Variants in SRGAP2 observed in about 807,000 individuals in gnomAD.
SRGAP2 encodes SLIT-ROBO Rho GTPase-activating protein 2.
Under a neutral mutation model 57.2 loss-of-function variants are expected in SRGAP2, and 15 were observed. That is an observed-to-expected ratio of 0.26 (90% CI 0.18 to 0.40). The LOEUF is 0.40. SRGAP2 is among the 10% of genes least tolerant of loss of function. The pLI, the probability that SRGAP2 is intolerant of heterozygous loss-of-function variation, is 1.00. For synonymous variants in SRGAP2, 249 were observed against 248.0 expected (o/e 1.00, Z -0.04); for missense variants, 520 against 669.6 (o/e 0.78, Z 2.47).
At chr1:206,376,136 AG>A (rs1372423158) in intron 4 of SRGAP2, among the ~76,000 whole-genome samples, 1 of 151,204 alleles carries the variant, frequency 6.6e-6, no homozygotes, top group Non-Finnish European at 1.5e-5. Context: ...GAGGAATAGA[AG>A]GTAATTGTAT....
In SRGAP2 at chr1:206,428,199, G is replaced by A. The variant is rs543916215; in HGVS notation, c.1495-1963G>A. On this transcript the variant is annotated intron_variant, in intron 13 of 22. Transcript: ENST00000573034. ...TGGGAGGCCGAGACAGGCGGATCAC[G>A]AGGTCAGGAGATCGAGACCGTCCTG... Among the ~76,000 whole-genome samples the A allele has an allele frequency of 1.1e-4, 16 of 152,160 alleles. 1 individual carries two copies. In the East Asian group the frequency reaches 1.5e-3, roughly 15 times the overall value.
intron 10 of SRGAP2, among the ~76,000 whole-genome samples, chr1:206,414,029 C>CTTTTTTTTTTTTTTTTTTTTTTT (rs201058533): frequency 6.9e-6 from 1 of 145,152 alleles, no homozygotes; most frequent in African/African-American, 2.7e-5. Context: ...TTTTCTTTTT[C>CTTTTTTTTTTTTTTTTTTTTTTT]TTTCTTTTTT....
rs112259270 is a variant in SRGAP2, at chr1:206,369,856, CT to C, written c.424-14156del. On this transcript the variant is annotated intron_variant, in intron 4 of 22. Coordinates refer to ENST00000573034, the MANE Select transcript of SRGAP2 (RefSeq NM_015326.5). ...TGGAAAACTGAAAATTCCTCCAAAA[CT>C]TAAGCATAGAATTAACCTGTGACCC... 3.1e-3 allele frequency among the ~76,000 whole-genome samples: 478 copies of C among 152,148 alleles called. 2 individuals carry two copies. The highest frequency in any genetic ancestry group is 0.011 in the African/African-American group (463 of 41,490).
rs1404376182 is a variant in SRGAP2, at chr1:206,210,383, G to A, written c.67+4346G>A. 2.3e-5 allele frequency among the ~76,000 whole-genome samples: 3 copies of A among 131,806 alleles called. No individual in the cohort carries two copies. The South Asian group carries it at 7.9e-4, about 35-fold the overall frequency. The allele number at this position is 131,806 out of a possible 152,430, so 86.5% of individuals were successfully genotyped here. A position where few individuals can be genotyped will look rare whatever the true frequency, so the allele number is the denominator to read the frequency against. ...GCTGAGCAGTCACATTTTCTTTCTC[G>A]AGAACATTAGGGGTCTTGTCTTTTT... On this transcript the variant is annotated intron_variant, in intron 2 of 22. Transcript: ENST00000573034.
rs1553371472 is a variant in SRGAP2, at chr1:206,440,091, C to G, written c.1874+10C>G. On this transcript the variant is annotated intron_variant, in intron 17 of 22. Coordinates refer to ENST00000573034, the MANE Select transcript of SRGAP2 (RefSeq NM_015326.5). ...TTGCCTTCCTCAATCAGTGAGTAGC[C>G]TTCCCAGTGAACAGCTGGATCAGGC... 2.6e-6 allele frequency: 2 copies of G among 780,460 alleles called. No homozygotes were observed. The highest frequency in any genetic ancestry group is 4.8e-6 in the Non-Finnish European group (2 of 417,800). 48.3% of individuals were successfully genotyped at this position (780,460 alleles called of 1,614,324 possible).
chr1:206,303,782 G>A (rs1311114830), intron 3 of SRGAP2, among the ~76,000 whole-genome samples: 2 of 151,716 alleles, frequency 1.3e-5, no homozygotes, highest in Non-Finnish European at 2.9e-5. Flanking sequence ...CCATATGATG[G>A]TTATTGTTAT....
intron 5 of SRGAP2, among the ~76,000 whole-genome samples, chr1:206,385,676 T>A (rs1431826532): frequency 4.7e-5 from 7 of 150,184 alleles, no homozygotes; most frequent in Non-Finnish European, 8.9e-5. Context: ...AAAAAATAAG[T>A]GAAAGGGCGT....
At chr1:206,254,098 CT>C (rs1228877767) in intron 2 of SRGAP2, among the ~76,000 whole-genome samples, 43 of 118,396 alleles carry the variant, frequency 3.6e-4, no homozygotes, top group Non-Finnish European at 2.7e-4. Context: ...AATATTACCC[CT>C]CATATCCTAG....
chr1:206,406,196 GC>G (rs1658638415), intron 9 of SRGAP2, among the ~76,000 whole-genome samples, 180 bp from the exon 10 acceptor site: 1 of 151,426 alleles, frequency 6.6e-6, no homozygotes, highest in African/African-American at 2.4e-5. Context: ...GTAGAGAGTA[GC>G]ATGCTGTAGC....
intron 22 of SRGAP2, among the ~76,000 whole-genome samples, chr1:206,459,409 G>A (rs1255391629): frequency 6.8e-6 from 1 of 148,006 alleles, no homozygotes; most frequent in African/African-American, 2.7e-5. Context: ...GATCAATTAA[G>A]AACCTGCACC....
intron 4 of SRGAP2, among the ~76,000 whole-genome samples, chr1:206,363,667 A>G (rs1197420668): frequency 6.6e-6 from 1 of 151,890 alleles, no homozygotes; most frequent in Non-Finnish European, 1.5e-5. Flanking sequence ...GGTTTTAAAG[A>G]GTTCTGGTCA....
At chr1:206,301,315 G>A (rs1260806889) in intron 2 of SRGAP2, among the ~76,000 whole-genome samples, 4 of 152,092 alleles carry the variant, frequency 2.6e-5, no homozygotes, top group East Asian at 1.9e-4. Flanking sequence ...GATTACAGGC[G>A]TGAGCCACCG....
At chr1:206,398,830 TG>T (rs1439644336) in intron 7 of SRGAP2, among the ~76,000 whole-genome samples, 2 of 152,242 alleles carry the variant, frequency 1.3e-5, no homozygotes, top group African/African-American at 4.8e-5. Flanking sequence ...ATTGCAGGGT[TG>T]GCTGGCTTCC....
intron 10 of SRGAP2, among the ~76,000 whole-genome samples, chr1:206,412,608 G>A (rs1659316353): frequency 6.6e-6 from 1 of 152,210 alleles, no homozygotes; most frequent in African/African-American, 2.4e-5. Context: ...GGGATTTTGA[G>A]ATTGGAGATT....
At chr1:206,393,815 G>A in intron 7 of SRGAP2, 142 bp downstream of exon 7, 1 of 476,226 alleles carries the variant, frequency 2.1e-6, no homozygotes, top group Non-Finnish European at 3.8e-6. Flanking sequence ...CCATCAGGGT[G>A]CTTGCCAAGC....
intron 3 of SRGAP2, among the ~76,000 whole-genome samples, chr1:206,319,290 C>T (rs199950049): frequency 7.0e-6 from 1 of 143,400 alleles, no homozygotes; most frequent in Non-Finnish European, 1.5e-5. Flanking sequence ...GGGTGCCTGT[C>T]GTCCCACCTA....
intron 2 of SRGAP2, among the ~76,000 whole-genome samples, chr1:206,284,164 G>C (rs1463640492): frequency 1.4e-5 from 2 of 147,926 alleles, no homozygotes; most frequent in Non-Finnish European, 3.0e-5. Context: ...ACCACAGAGA[G>C]TTTCAACTGC....
Position 206,447,944 on chromosome 1 carries a change from T to C in SRGAP2, c.2099+1645T>C, listed in dbSNP as rs370192450. Among the ~76,000 whole-genome samples the C allele has an allele frequency of 4.6e-5, 7 of 152,326 alleles. No homozygotes were observed. In the East Asian group the frequency reaches 1.2e-3, roughly 25 times the overall value. On this transcript the variant is annotated intron_variant, in intron 18 of 22. Coordinates refer to ENST00000573034, the MANE Select transcript of SRGAP2 (RefSeq NM_015326.5). ...CTGTTTCTTGTGCACTCAACATTTA[T>C]TAGCAGCCTCTGGAAAAACCACAAG...
chr1:206,439,141 G>T (rs1443251391), intron 16 of SRGAP2, among the ~76,000 whole-genome samples: 1 of 152,142 alleles, frequency 6.6e-6, no homozygotes, highest in East Asian at 1.9e-4. Context: ...CTTCCCTAGA[G>T]ATACACTCTT....
Sources: gnomAD v4.1 joint callset for allele counts (sites outside exome capture counted in the v4.1 genomes callset) on GRCh38, gnomAD v4.1.1 for gene constraint, MANE v1.5 for transcripts, NCBI Gene and HGNC (gene_info 2026-07-23, HGNC 2026-07-21) for gene names.